GPHN: variants seen among roughly 807,000 people sequenced by gnomAD.
The protein encoded by GPHN is gephyrin.
In GPHN, 17 loss-of-function variants were observed where a neutral mutation model predicts 95.5. The ratio of observed to expected loss-of-function variants is 0.18; its 90% CI spans 0.12 to 0.27. The LOEUF is 0.27. Among genes scored for constraint, GPHN ranks in the 10% least tolerant of loss-of-function variants. GPHN has a pLI of 1.00. For synonymous variants in GPHN, 320 were observed against 322.5 expected, an observed-to-expected ratio of 0.99 and a Z score of 0.08; for missense variants, 660 against 978.1, an observed-to-expected ratio of 0.67 and a Z score of 4.34.
intron 9 of GPHN, among the ~76,000 whole-genome samples, chr14:66,974,187 G>A (rs1472989271): frequency 1.3e-5 from 2 of 152,114 alleles, no homozygotes; most frequent in African/African-American, 2.4e-5. Flanking sequence ...CTTTTCTAAT[G>A]AGAAAGGCAC....
chr14:67,360,502 G>GT, the GPHN span: 19 of 322,220 alleles, frequency 5.9e-5, no homozygotes, highest in Admixed American at 4.5e-4. Flanking sequence ...ACTTTGGTTT[G>GT]TGTCCAGTGA....
chr14:67,562,238 G>GAC, the GPHN span: 1 of 1,612,672 alleles, frequency 6.2e-7, no homozygotes, highest in Non-Finnish European at 8.5e-7. Flanking sequence ...TATGGGCCAG[G>GAC]ACAGTGGCTC....
chr14:66,826,793 C>T (rs1208176194), intron 4 of GPHN, among the ~76,000 whole-genome samples: 1 of 152,152 alleles, frequency 6.6e-6, no homozygotes, highest in Non-Finnish European at 1.5e-5. Context: ...GTGTTCATCA[C>T]TCTGGAAGCT....
intron 2 of GPHN, among the ~76,000 whole-genome samples, chr14:66,758,886 A>G (rs2058665098): frequency 6.6e-6 from 1 of 152,196 alleles, no homozygotes; most frequent in Non-Finnish European, 1.5e-5. Flanking sequence ...GGGTTAGTCT[A>G]AAACGTAGGC....
intron 3 of GPHN, among the ~76,000 whole-genome samples, 155 bp from the exon 4 acceptor site, chr14:66,824,319 T>G (rs2061316414): frequency 6.6e-6 from 1 of 152,148 alleles, no homozygotes; most frequent in African/African-American, 2.4e-5. Flanking sequence ...TGATCAAGAG[T>G]GAAACTGTTC....
chr14:67,662,550 T>A, the GPHN span: 1 of 1,602,574 alleles, frequency 6.2e-7, no homozygotes, highest in Non-Finnish European at 8.5e-7. Flanking sequence ...AAAAGATAGA[T>A]AAGTTTCAAA....
At chr14:66,988,453 A>C (rs1340471479) in intron 9 of GPHN, among the ~76,000 whole-genome samples, 2 of 152,092 alleles carry the variant, frequency 1.3e-5, no homozygotes, top group Non-Finnish European at 2.9e-5. Flanking sequence ...TTTTCAAGGA[A>C]AATAATCAGT....
At chr14:67,022,949 A>G (rs2073736370) in intron 9 of GPHN, among the ~76,000 whole-genome samples, 1 of 151,554 alleles carries the variant, frequency 6.6e-6, no homozygotes, top group East Asian at 1.9e-4. Context: ...CATTTGAGTC[A>G]AAGCATAAGG....
chr14:67,544,692 A>G, the GPHN span, among the ~76,000 whole-genome samples: 36 of 152,262 alleles, frequency 2.4e-4, no homozygotes, highest in Admixed American at 6.5e-5. Context: ...TGAAAACTAA[A>G]TAGAACTTTA....
chr14:66,952,409 G>T (rs976735117), intron 8 of GPHN, among the ~76,000 whole-genome samples: 8 of 152,084 alleles, frequency 5.3e-5, no homozygotes, highest in African/African-American at 1.4e-4. Context: ...AAGGTATACT[G>T]CATTTAGTTT....
the GPHN span, among the ~76,000 whole-genome samples, chr14:67,341,438 C>G: frequency 6.6e-6 from 1 of 152,084 alleles, no homozygotes; most frequent in African/African-American, 2.4e-5. Flanking sequence ...CTCCGCCCAG[C>G]AGCCACCCCG....
intron 3 of GPHN, among the ~76,000 whole-genome samples, chr14:66,788,947 C>G (rs1393042068): frequency 6.6e-6 from 1 of 152,162 alleles, no homozygotes; most frequent in East Asian, 1.9e-4. Flanking sequence ...CCAAATAAAC[C>G]CACTTCTTAA....
intron 3 of GPHN, among the ~76,000 whole-genome samples, chr14:66,805,073 C>G (rs1024043310): frequency 6.6e-6 from 1 of 152,138 alleles, no homozygotes; most frequent in African/African-American, 2.4e-5. Flanking sequence ...GGGCAATTTA[C>G]AAAAGAAATA....
intron 1 of GPHN, among the ~76,000 whole-genome samples, chr14:66,633,437 T>C (rs954312902): frequency 5.3e-5 from 8 of 152,192 alleles, no homozygotes; most frequent in African/African-American, 1.9e-4. Context: ...ATAAATGGAA[T>C]TTTGCATTTT....
At chr14:67,328,611 G>C in the GPHN span, among the ~76,000 whole-genome samples, 6 of 152,156 alleles carry the variant, frequency 3.9e-5, no homozygotes, top group African/African-American at 1.4e-4. Context: ...CTGGTTTTAG[G>C]TCTAACATTT....
chr14:67,167,370 GT>G (rs1160884207), intron 20 of GPHN, among the ~76,000 whole-genome samples: 2 of 151,494 alleles, frequency 1.3e-5, no homozygotes. Flanking sequence ...TTATTTGTTG[GT>G]TTGGGGTTTT....
intron 9 of GPHN, among the ~76,000 whole-genome samples, chr14:66,999,392 C>CT (rs1184589976): frequency 6.6e-6 from 1 of 151,776 alleles, no homozygotes; most frequent in African/African-American, 2.4e-5. Context: ...AGACACAAAA[C>CT]TTTAATTCAA....
the GPHN span, among the ~76,000 whole-genome samples, chr14:67,539,052 C>G: frequency 6.6e-6 from 1 of 152,156 alleles, no homozygotes; most frequent in Non-Finnish European, 1.5e-5. Context: ...TCCCTTGCCC[C>G]TTGCTTTTAT....
the GPHN span, chr14:67,321,404 C>A: frequency 2.7e-6 from 2 of 732,966 alleles, no homozygotes. Context: ...TATCTGAAAT[C>A]ACACAGGTTG....
Sources: gnomAD v4.1 joint callset for allele counts (sites outside exome capture counted in the v4.1 genomes callset) on GRCh38, gnomAD v4.1.1 for gene constraint, MANE v1.5 for transcripts, NCBI Gene and HGNC (gene_info 2026-07-23, HGNC 2026-07-21) for gene names.